CUL2: variants seen among roughly 807,000 people sequenced by gnomAD.
The protein encoded by CUL2 is cullin-2.
Under a neutral mutation model 110.2 loss-of-function variants are expected in CUL2, and 22 were observed. The observed-to-expected ratio is 0.20, with a 90% CI of 0.14 to 0.28. CUL2 has a LOEUF of 0.28. Among genes scored for constraint, CUL2 ranks in the 10% least tolerant of loss-of-function variants. The pLI is 1.00. For synonymous variants in CUL2, 279 were observed against 293.2 expected, an observed-to-expected ratio of 0.95 and a Z score of 0.49; for missense variants, 631 against 905.5, an observed-to-expected ratio of 0.70 and a Z score of 3.89.
intron 1 of CUL2, 113 bp downstream of exon 1, chr10:35,090,066 C>T (rs1309733329): frequency 6.6e-6 from 1 of 152,366 alleles, no homozygotes; most frequent in African/African-American, 2.4e-5. Context: ...TCCCTCTCCC[C>T]ACACCTCGTC....
At chr10:35,064,686 CTTTA>C (rs1208623386) in intron 2 of CUL2, among the ~76,000 whole-genome samples, 4 of 151,934 alleles carry the variant, frequency 2.6e-5, no homozygotes, top group Non-Finnish European at 5.9e-5. Flanking sequence ...TATTTTTAAG[CTTTA>C]TTTATTTATA....
chr10:35,101,237 T>C (rs1466880344), intron 1 of CUL2, among the ~76,000 whole-genome samples: 3 of 152,202 alleles, frequency 2.0e-5, no homozygotes, highest in African/African-American at 7.2e-5. Flanking sequence ...TGAGAGGTAT[T>C]AAGCCATCAA....
intron 1 of CUL2, among the ~76,000 whole-genome samples, chr10:35,119,579 T>C (rs2087652334): frequency 1.3e-5 from 2 of 149,512 alleles, no homozygotes; most frequent in East Asian, 4.1e-4. Flanking sequence ...TTTATTTATT[T>C]ATTTATTTAT....
At chr10:35,052,274 G>A (rs563031930) in intron 5 of CUL2, among the ~76,000 whole-genome samples, 2 of 152,160 alleles carry the variant, frequency 1.3e-5, no homozygotes, top group East Asian at 1.9e-4. Flanking sequence ...AGCATGAATG[G>A]GGGTTGGGGA....
At chr10:35,043,698 T>G (rs903945015) in intron 8 of CUL2, among the ~76,000 whole-genome samples, 1 of 152,202 alleles carries the variant, frequency 6.6e-6, no homozygotes, top group Non-Finnish European at 1.5e-5. Context: ...TATGAACACT[T>G]TTTTCTTCTA....
intron 15 of CUL2, 112 bp from the exon 16 acceptor site, chr10:35,028,999 G>T: frequency 4.8e-6 from 3 of 630,512 alleles, no homozygotes; most frequent in Non-Finnish European, 8.1e-6. Flanking sequence ...TCCTCAAAAT[G>T]TTGATGAAAT....
At chr10:35,035,450 T>C (rs1291647567) in intron 9 of CUL2, among the ~76,000 whole-genome samples, 154 bp from the exon 10 acceptor site, 1 of 152,018 alleles carries the variant, frequency 6.6e-6, no homozygotes. Context: ...CCCAAGCCCC[T>C]CTCCCCACAG....
chr10:35,034,900 A>C (rs12250856), intron 10 of CUL2, among the ~76,000 whole-genome samples: 4,513 of 152,282 alleles, frequency 0.03, 221 homozygotes, highest in African/African-American at 0.1. Context: ...GTTATTTAAA[A>C]ATGGCGAGCT....
In CUL2 at chr10:35,031,459, A is replaced by T; in HGVS notation, c.1299+32T>A. The T allele has an allele frequency of 6.2e-7, 1 of 1,602,900 alleles. No individual in the cohort carries two copies. Among genetic ancestry groups the T allele is most frequent in the South Asian group, 1.1e-5 (1 of 89,564 alleles). Reference sequence around the variant, plus strand: ...GCATTCAGAAATAAAGTTGACCAAAATACAAATGAAACTTTTCTGTTCACA... The same window carrying T: ...GCATTCAGAAATAAAGTTGACCAAATTACAAATGAAACTTTTCTGTTCACA... On this transcript the variant is annotated intron_variant, in intron 13 of 20. Transcript: ENST00000374749. The surrounding 1 kb of genome is among the most constrained non-coding windows in gnomAD (Gnocchi z 4.4).
chr10:35,097,491 CAAAAA>C (rs71523359), intron 2 of CUL2, among the ~76,000 whole-genome samples: 7 of 92,620 alleles, frequency 7.6e-5, no homozygotes, highest in Non-Finnish European at 6.4e-5. Flanking sequence ...CCCCCTGTCT[CAAAAA>C]AAAAAAAAAA....
chr10:35,123,487 A>G (rs562378522), intron 1 of CUL2, among the ~76,000 whole-genome samples: 1 of 149,522 alleles, frequency 6.7e-6, no homozygotes, highest in East Asian at 1.9e-4. Flanking sequence ...TAGTGGGAAT[A>G]AAAAAAAAAG....
chr10:35,076,295 C>G (rs2086815537), intron 1 of CUL2, among the ~76,000 whole-genome samples: 1 of 152,026 alleles, frequency 6.6e-6, no homozygotes, highest in African/African-American at 2.4e-5. Context: ...TGACTGCCAA[C>G]AGGGTGAGGA....
At position 35,032,942 on chromosome 10, in the gene CUL2, A is replaced by G. The variant is rs547490099; in HGVS notation, c.1110+224T>C. Among the ~76,000 whole-genome samples, 240 of 152,302 alleles carry G rather than the reference A, an allele frequency of 1.6e-3. 1 individual carries two copies. Among genetic ancestry groups the G allele is most frequent in the Non-Finnish European group, 2.5e-3 (172 of 68,016 alleles). ...CTATCCAGAACATATCAGATTAAAA[A>G]TTCCCCTTATATAGCATAATCACGG... On this transcript the variant is annotated intron_variant, in intron 11 of 20. Coordinates refer to ENST00000374749, the MANE Select transcript of CUL2 (RefSeq NM_003591.4).
intron 2 of CUL2, chr10:35,099,594 G>A (rs2087348478): frequency 6.6e-6 from 1 of 151,772 alleles, no homozygotes; most frequent in Non-Finnish European, 1.5e-5. Flanking sequence ...GTGAAAGCCC[G>A]TCTCTACTAA....
intron 1 of CUL2, 147 bp from the exon 2 acceptor site, chr10:35,071,486 G>C (rs1429867920): frequency 3.2e-6 from 2 of 620,398 alleles, no homozygotes; most frequent in South Asian, 4.3e-5. Context: ...CTCACTGCAA[G>C]CTCCGCCTCC....
chr10:35,010,670 C>T (rs1004014170), intron 20 of CUL2, among the ~76,000 whole-genome samples: 1 of 152,170 alleles, frequency 6.6e-6, no homozygotes, highest in Non-Finnish European at 1.5e-5. Flanking sequence ...TCACACACAA[C>T]CCCAAGCTTC....
intron 1 of CUL2, among the ~76,000 whole-genome samples, chr10:35,125,888 G>C (rs1301829965): frequency 6.6e-6 from 1 of 152,148 alleles, no homozygotes; most frequent in East Asian, 1.9e-4. Context: ...GGAGTGCAGT[G>C]GAACGATCTC....
chr10:35,034,460 T>C (rs1437977683), intron 10 of CUL2, among the ~76,000 whole-genome samples: 1 of 152,206 alleles, frequency 6.6e-6, no homozygotes, highest in African/African-American at 2.4e-5. Flanking sequence ...GGTAACAGCC[T>C]CTAAAAAGTG....
At chr10:35,053,954 T>C (rs536424613) in intron 5 of CUL2, among the ~76,000 whole-genome samples, 24 of 152,298 alleles carry the variant, frequency 1.6e-4, no homozygotes, top group Admixed American at 7.2e-4. Flanking sequence ...TCTTTCACAA[T>C]CAGCATAATT....
Sources: allele counts gnomAD v4.1 joint callset (sites outside exome capture counted in the v4.1 genomes callset), GRCh38; gene constraint gnomAD v4.1.1; non-coding constraint Gnocchi (gnomAD v3.1); transcripts MANE v1.5; gene names NCBI Gene and HGNC (gene_info 2026-07-23, HGNC 2026-07-21).